The following NPFFR2 variants were observed in gnomAD, a reference collection of about 807,000 sequenced individuals.
NPFFR2 encodes G-protein coupled receptor 74.
In NPFFR2, 15 loss-of-function variants were observed where a neutral mutation model predicts 13.1. That is an observed-to-expected ratio of 1.15 (90% CI 0.77 to 1.76). The LOEUF is 1.76. Among genes scored for constraint, NPFFR2 ranks in the 40% most tolerant of loss-of-function variants. The pLI is 0.00. For synonymous variants in NPFFR2, 190 were observed against 175.7 expected, an observed-to-expected ratio of 1.08 and a Z score of -0.65; for missense variants, 572 against 503.5, an observed-to-expected ratio of 1.14 and a Z score of -1.30.
At chr4:72,032,321 A>C (rs1718947131) in intron 1 of NPFFR2, 121 bp downstream of exon 1, 4 of 1,148,934 alleles carry the variant, frequency 3.5e-6, no homozygotes, top group Middle Eastern at 3.0e-4. Flanking sequence ...TGGATTTTTC[A>C]AATCCCTTCC....
chr4:72,070,391 T>C (rs1223776790), intron 1 of NPFFR2, among the ~76,000 whole-genome samples: 4 of 151,882 alleles, frequency 2.6e-5, no homozygotes, highest in Admixed American at 6.6e-5. Context: ...TTCAGGGAGG[T>C]AGAGGAACAC....
chr4:72,061,449 A>AGATCACCT (rs1056647848), intron 1 of NPFFR2, among the ~76,000 whole-genome samples: 1 of 152,174 alleles, frequency 6.6e-6, no homozygotes, highest in Non-Finnish European at 1.5e-5. Context: ...CTCCGGAGCC[A>AGATCACCT]GATCACCTGG....
At chr4:72,105,744 A>T (rs1352966010) in intron 1 of NPFFR2, among the ~76,000 whole-genome samples, 3 of 152,064 alleles carry the variant, frequency 2.0e-5, no homozygotes, top group Non-Finnish European at 4.4e-5. Context: ...AATACAATAT[A>T]ACCTTAAATG....
intron 1 of NPFFR2, among the ~76,000 whole-genome samples, chr4:72,117,091 T>A (rs561231998): frequency 2.3e-4 from 35 of 152,240 alleles, no homozygotes; most frequent in African/African-American, 6.7e-4. Flanking sequence ...CTTTTCTTTT[T>A]CCTTCACCCT....
intron 1 of NPFFR2, among the ~76,000 whole-genome samples, chr4:72,109,839 A>G (rs530525708): frequency 5.3e-5 from 8 of 152,122 alleles, no homozygotes; most frequent in Admixed American, 4.6e-4. Context: ...GTCTTCTTCC[A>G]TTAAGCTTTC....
intron 1 of NPFFR2, among the ~76,000 whole-genome samples, chr4:72,080,315 C>T (rs1363742701): frequency 1.3e-5 from 2 of 152,082 alleles, no homozygotes; most frequent in East Asian, 3.9e-4. Flanking sequence ...GAGGTGCTCA[C>T]CACTGCTCCT....
chr4:72,040,144 A>G (rs565914669), intron 1 of NPFFR2, among the ~76,000 whole-genome samples: 11 of 152,250 alleles, frequency 7.2e-5, no homozygotes, highest in African/African-American at 2.6e-4. Context: ...TAACTTTATC[A>G]TGCACATTTA....
At chr4:72,084,950 T>C (rs1720724784) in intron 1 of NPFFR2, among the ~76,000 whole-genome samples, 1 of 152,086 alleles carries the variant, frequency 6.6e-6, no homozygotes, top group African/African-American at 2.4e-5. Flanking sequence ...CTCCCAAATA[T>C]GGCATCCAAG....
In NPFFR2 at chr4:72,136,503, T is replaced by C. The variant is rs529734263; in HGVS notation, c.329-1537T>C. On this transcript the variant is annotated intron_variant, in intron 2 of 3. Transcript: ENST00000308744. ...CTGGAAGTTCTGCATGCCTGGAGGA[T>C]AAGGTTAGGACTACTGTCCACTTCA... Among the ~76,000 whole-genome samples the C allele has an allele frequency of 4.6e-5, 7 of 152,288 alleles. No individual in the cohort carries two copies. In the East Asian group the frequency reaches 1.3e-3, roughly 29 times the overall value.
chr4:72,065,468 G>A (rs1227724821), intron 1 of NPFFR2, among the ~76,000 whole-genome samples: 1 of 152,110 alleles, frequency 6.6e-6, no homozygotes, highest in Non-Finnish European at 1.5e-5. Context: ...AAGATTGAAA[G>A]GAAAATGAAA....
intron 1 of NPFFR2, among the ~76,000 whole-genome samples, chr4:72,037,825 T>G (rs1237299907): frequency 6.6e-6 from 1 of 152,228 alleles, no homozygotes; most frequent in Non-Finnish European, 1.5e-5. Context: ...AAGTAATTTC[T>G]GTGATATATG....
chr4:72,076,758 T>C (rs1288347146), intron 1 of NPFFR2, among the ~76,000 whole-genome samples: 1 of 152,132 alleles, frequency 6.6e-6, no homozygotes, highest in Non-Finnish European at 1.5e-5. Flanking sequence ...AGCCAAGTCC[T>C]GAGAGAGCAA....
intron 1 of NPFFR2, among the ~76,000 whole-genome samples, chr4:72,054,882 A>G (rs1300372802): frequency 6.6e-6 from 1 of 151,914 alleles, no homozygotes; most frequent in Admixed American, 6.6e-5. Context: ...AGAAAACTAA[A>G]AAACAATGAG....
Position 72,147,612 on chromosome 4 carries a change from A to G in NPFFR2, c.1063A>G (p.Lys355Glu). The change falls in exon 4 of 4, where the codon AAA (lysine) becomes GAA (glutamate). Residue 355 changes from lysine (K) to glutamate (E), a missense_variant. By Grantham distance (56) the Lys-to-Glu change is moderately conservative. Transcript: ENST00000308744. ...AGCTTTCCAGCTCCAGCTCTGCCAAAAAAGAGCAAAGCCTATGGAAGCTTA... is the reference window on the plus strand; with the variant it reads ...AGCTTTCCAGCTCCAGCTCTGCCAAGAAAGAGCAAAGCCTATGGAAGCTTA... ...QEAFQLQLCQ[K>E]RAKPMEAYAL... 6.2e-7 allele frequency: 1 copy of G among 1,614,176 alleles called. No homozygotes were observed. The highest frequency in any genetic ancestry group is 1.1e-5 in the South Asian group (1 of 91,086).
At chr4:72,103,288 A>G (rs980512364) in intron 1 of NPFFR2, among the ~76,000 whole-genome samples, 4 of 152,084 alleles carry the variant, frequency 2.6e-5, no homozygotes, top group East Asian at 1.9e-4. Context: ...TTAATCCCCA[A>G]TGTGACAGCA....
At chr4:72,106,154 T>A (rs1348742304) in intron 1 of NPFFR2, among the ~76,000 whole-genome samples, 1 of 151,728 alleles carries the variant, frequency 6.6e-6, no homozygotes, top group East Asian at 1.9e-4. Flanking sequence ...GTGCAAAGAG[T>A]TTAATATACA....
rs747961302 is a variant in NPFFR2, at chr4:72,138,083, C to G, written c.372C>G (p.Val124=). 2.5e-6 allele frequency: 4 copies of G among 1,613,682 alleles called. No individual in the cohort carries two copies. In the Admixed American group the frequency reaches 6.7e-5, roughly 27 times the overall value. The change falls in exon 3 of 4, where the codon GTC becomes GTG. Residue 124 remains valine (V), a synonymous_variant. Transcript: ENST00000308744. ...CGATGTGCAAGATCAGTGGATTGGTCCAGGGAATATCTGTCGCAGCTTCAG... is the reference window on the plus strand; with the variant it reads ...CGATGTGCAAGATCAGTGGATTGGTGCAGGGAATATCTGTCGCAGCTTCAG... The part of the protein sequence containing the change: ...GNTMCKISGL[V]QGISVAASVF...
At chr4:72,062,170 G>A (rs1242753440) in intron 1 of NPFFR2, among the ~76,000 whole-genome samples, 4 of 151,782 alleles carry the variant, frequency 2.6e-5, no homozygotes, top group Non-Finnish European at 5.9e-5. Context: ...AAATATACTA[G>A]CAGCTAGCTT....
At chr4:72,099,173 G>A (rs552650756) in intron 1 of NPFFR2, among the ~76,000 whole-genome samples, 1 of 152,242 alleles carries the variant, frequency 6.6e-6, no homozygotes, top group East Asian at 1.9e-4. Context: ...AGACAAGAAA[G>A]CATAACAATC....
Sources: allele counts gnomAD v4.1 joint callset (sites outside exome capture counted in the v4.1 genomes callset), GRCh38; gene constraint gnomAD v4.1.1; transcripts MANE v1.5; gene names NCBI Gene and HGNC (gene_info 2026-07-23, HGNC 2026-07-21).